Variants in CSMD1 observed in about 807,000 individuals in gnomAD.
CSMD1 encodes the protein CUB and Sushi multiple domains 1.
CSMD1 carries 213 observed loss-of-function variants against 417.5 expected under a neutral mutation model. The observed-to-expected ratio is 0.51, with a 90% CI of 0.46 to 0.57. The LOEUF (loss-of-function observed/expected upper bound fraction) is 0.57. Among genes scored for constraint, CSMD1 ranks in the 20% least tolerant of loss-of-function variants. The pLI is 0.00. For synonymous variants in CSMD1, 2,862 were observed against 1,736.8 expected (o/e 1.65, Z -16.11); for missense variants, 6,923 against 4,529.7 (o/e 1.53, Z -15.17).
At chr8:3,020,676 G>A (rs1001307538) in intron 51 of CSMD1, among the ~76,000 whole-genome samples, 16 of 152,080 alleles carry the variant, frequency 1.1e-4, no homozygotes, top group Non-Finnish European at 1.9e-4. Context: ...TTTACTCCAT[G>A]TTATGATAGG....
At chr8:3,495,633 G>C (rs537396349) in intron 10 of CSMD1, among the ~76,000 whole-genome samples, 2 of 152,294 alleles carry the variant, frequency 1.3e-5, no homozygotes, top group South Asian at 4.1e-4. Flanking sequence ...CTTTTAGTTT[G>C]TCATATGGCA....
At chr8:4,643,735 G>C (rs754574277) in intron 1 of CSMD1, among the ~76,000 whole-genome samples, 2 of 152,140 alleles carry the variant, frequency 1.3e-5, no homozygotes, top group Non-Finnish European at 2.9e-5. Flanking sequence ...ATTAAATTCT[G>C]CATTATCTTC....
At chr8:4,936,991 C>A (rs1395302896) in intron 1 of CSMD1, among the ~76,000 whole-genome samples, 3 of 152,212 alleles carry the variant, frequency 2.0e-5, no homozygotes, top group East Asian at 1.9e-4. Context: ...CTGGAGGATA[C>A]CTTGAGGTCA....
chr8:3,885,364 C>T (rs901859074), intron 5 of CSMD1, among the ~76,000 whole-genome samples: 7 of 152,052 alleles, frequency 4.6e-5, no homozygotes, highest in East Asian at 1.9e-4. Flanking sequence ...AACGGTTAAA[C>T]GAAAATATAA....
At chr8:3,493,749 T>C (rs776002929) in intron 10 of CSMD1, 23 bp from the exon 11 acceptor site, 21 of 1,578,528 alleles carry the variant, frequency 1.3e-5, no homozygotes, top group East Asian at 1.1e-4. Context: ...TACGAAACAG[T>C]GACTTAGAAC....
chr8:3,124,809 G>C (rs1050111884), intron 41 of CSMD1, among the ~76,000 whole-genome samples: 2 of 152,174 alleles, frequency 1.3e-5, no homozygotes, highest in African/African-American at 2.4e-5. Flanking sequence ...CCATCTGCCA[G>C]TCAACATCAT....
At chr8:4,487,247 G>T (rs1801463520) in intron 2 of CSMD1, among the ~76,000 whole-genome samples, 1 of 152,040 alleles carries the variant, frequency 6.6e-6, no homozygotes, top group Non-Finnish European at 1.5e-5. Context: ...ATGTATACAT[G>T]TGCCATGCCG....
chr8:4,084,399 T>G (rs960722855), intron 3 of CSMD1, among the ~76,000 whole-genome samples: 1 of 152,146 alleles, frequency 6.6e-6, no homozygotes, highest in Non-Finnish European at 1.5e-5. Context: ...GATTTAAATT[T>G]TTTAAATTCC....
chr8:4,647,303 G>A (rs1314981835), intron 1 of CSMD1, among the ~76,000 whole-genome samples: 1 of 149,284 alleles, frequency 6.7e-6, no homozygotes, highest in African/African-American at 2.5e-5. Context: ...CTGCAGGTTT[G>A]TTACATAGGT....
At chr8:3,361,414 G>A (rs768369709) in intron 20 of CSMD1, among the ~76,000 whole-genome samples, 1 of 151,892 alleles carries the variant, frequency 6.6e-6, no homozygotes, top group Non-Finnish European at 1.5e-5. Context: ...GGATCATGAG[G>A]TCAGGAGTTT....
intron 3 of CSMD1, among the ~76,000 whole-genome samples, chr8:4,060,729 C>A (rs1159309997): frequency 6.6e-6 from 1 of 152,086 alleles, no homozygotes; most frequent in Non-Finnish European, 1.5e-5. Context: ...ATAAGATGTG[C>A]TCAAAGCATC....
intron 56 of CSMD1, 73 bp from the exon 57 acceptor site, chr8:2,973,372 A>G: frequency 7.0e-7 from 1 of 1,434,166 alleles, no homozygotes; most frequent in South Asian, 1.3e-5. Flanking sequence ...TCACACTTAA[A>G]GATAATGAAA....
chr8:3,851,111 G>A (rs901123170), intron 5 of CSMD1, among the ~76,000 whole-genome samples: 5 of 152,146 alleles, frequency 3.3e-5, no homozygotes, highest in African/African-American at 1.2e-4. Context: ...CATTAAAGAT[G>A]AATTGTTTTC....
chr8:4,198,469 T>C (rs1799466972), intron 3 of CSMD1, among the ~76,000 whole-genome samples: 1 of 152,050 alleles, frequency 6.6e-6, no homozygotes. Context: ...ATTTGGGGGA[T>C]GAGAAAGAAA....
At chr8:3,164,288 T>A (rs1270635812) in intron 37 of CSMD1, among the ~76,000 whole-genome samples, 3 of 152,198 alleles carry the variant, frequency 2.0e-5, no homozygotes, top group African/African-American at 7.2e-5. Context: ...TGCCACGAAC[T>A]TTTTCTAAGT....
At chr8:4,201,967 AC>A (rs1481353465) in intron 3 of CSMD1, among the ~76,000 whole-genome samples, 9 of 152,132 alleles carry the variant, frequency 5.9e-5, no homozygotes, top group Admixed American at 5.9e-4. Context: ...GAGACAGAAA[AC>A]AAAAATGAAT....
intron 4 of CSMD1, among the ~76,000 whole-genome samples, chr8:4,028,592 A>C (rs1797183399): frequency 6.6e-6 from 1 of 152,232 alleles, no homozygotes; most frequent in African/African-American, 2.4e-5. Flanking sequence ...TTACATGATG[A>C]CTTGCAGTGG....
At chr8:3,926,001 G>C (rs1173479780) in intron 5 of CSMD1, among the ~76,000 whole-genome samples, 4 of 130,676 alleles carry the variant, frequency 3.1e-5, no homozygotes, top group African/African-American at 1.1e-4. Flanking sequence ...GAAACTAATT[G>C]TCTATTTGTC....
chr8:3,103,333 C>CA (rs1815893942), intron 46 of CSMD1, among the ~76,000 whole-genome samples: 2 of 152,148 alleles, frequency 1.3e-5, no homozygotes, highest in Non-Finnish European at 2.9e-5. Flanking sequence ...GCCCCACCTT[C>CA]AGTTTGGTCC....
Sources: gnomAD v4.1 joint callset for allele counts (sites outside exome capture counted in the v4.1 genomes callset) on GRCh38, gnomAD v4.1.1 for gene constraint, MANE v1.5 for transcripts, NCBI Gene and HGNC (gene_info 2026-07-23, HGNC 2026-07-21) for gene names.